The following SPSB1 variants were observed in gnomAD, a reference collection of about 807,000 sequenced individuals.
SPSB1 encodes SPRY domain-containing SOCS box protein 1.
In SPSB1, 8 loss-of-function variants were observed where a neutral mutation model predicts 21.2. That is an observed-to-expected ratio of 0.38 (90% CI 0.22 to 0.68). The LOEUF is 0.68. Ranked by LOEUF, SPSB1 falls within the 30% of genes least tolerant of loss-of-function variation. The pLI is 0.53. For synonymous variants in SPSB1, 169 were observed against 161.7 expected (o/e 1.05, Z -0.34); for missense variants, 242 against 377.8 (o/e 0.64, Z 2.98).
Position 9,307,361 on chromosome 1 carries a change from C to T in SPSB1, c.-150+14290C>T, listed in dbSNP as rs80134066. Among the ~76,000 whole-genome samples the T allele has an allele frequency of 9.1e-4, 139 of 152,332 alleles. 1 individual carries two copies. The highest frequency in any genetic ancestry group is 3.2e-3 in the African/African-American group (132 of 41,576). On this transcript the variant is annotated intron_variant, in intron 1 of 2. Coordinates refer to ENST00000328089, the MANE Select transcript of SPSB1 (RefSeq NM_025106.4). ...GTCTAGTTCCAAACCATCTTCATCC[C>T]GCCGGAAGGAAACCCCATCCACATT... is the stretch of plus-strand genomic sequence containing the variant.
intron 1 of SPSB1, among the ~76,000 whole-genome samples, chr1:9,318,195 C>CCCGGA (rs1486021529): frequency 6.6e-6 from 1 of 152,202 alleles, no homozygotes. Flanking sequence ...GGTGTGGGCA[C>CCCGGA]CCGGAGGCCC....
At chr1:9,325,540 G>A (rs1164225488) in intron 1 of SPSB1, among the ~76,000 whole-genome samples, 5 of 151,976 alleles carry the variant, frequency 3.3e-5, no homozygotes, top group Non-Finnish European at 7.3e-5. Flanking sequence ...GAGCATGGTG[G>A]TGTGAGCAGG....
chr1:9,295,551 C>T (rs1286522233), intron 1 of SPSB1, among the ~76,000 whole-genome samples: 1 of 152,114 alleles, frequency 6.6e-6, no homozygotes, highest in East Asian at 1.9e-4. Context: ...CTGGATCCAC[C>T]CTTCAGTGGG....
intron 1 of SPSB1, among the ~76,000 whole-genome samples, chr1:9,329,242 G>A (rs2100490775): frequency 6.6e-6 from 1 of 152,278 alleles, no homozygotes. Context: ...TGTGGGTGGG[G>A]GGAAATGCAG....
intron 1 of SPSB1, among the ~76,000 whole-genome samples, chr1:9,329,331 A>T (rs1639875941): frequency 6.6e-6 from 1 of 151,978 alleles, no homozygotes; most frequent in South Asian, 2.1e-4. Context: ...GACGTGTGTG[A>T]GTGTCTCAGT....
chr1:9,366,425 C>T (rs1001350486), intron 2 of SPSB1, among the ~76,000 whole-genome samples: 8 of 152,222 alleles, frequency 5.3e-5, no homozygotes, highest in African/African-American at 9.6e-5. Context: ...AGGCCTGTCA[C>T]GTATGATTCA....
intron 1 of SPSB1, among the ~76,000 whole-genome samples, chr1:9,304,884 G>A (rs1317764294): frequency 6.6e-6 from 1 of 152,084 alleles, no homozygotes; most frequent in East Asian, 1.9e-4. Context: ...TGTTGCCCAG[G>A]CTGGTCTCGA....
At chr1:9,296,839 G>A (rs1226704795) in intron 1 of SPSB1, among the ~76,000 whole-genome samples, 1 of 152,244 alleles carries the variant, frequency 6.6e-6, no homozygotes, top group African/African-American at 2.4e-5. Context: ...AAACCCAACA[G>A]CACATTGGGG....
intron 1 of SPSB1, among the ~76,000 whole-genome samples, chr1:9,306,921 T>G (rs1249389998): frequency 6.1e-5 from 3 of 49,550 alleles, no homozygotes; most frequent in Non-Finnish European, 1.1e-4. Flanking sequence ...TTACTTTTCT[T>G]CTTTTCTTCT....
intron 1 of SPSB1, among the ~76,000 whole-genome samples, chr1:9,303,835 A>G (rs931464288): frequency 6.6e-6 from 1 of 152,204 alleles, no homozygotes; most frequent in Admixed American, 6.5e-5. Context: ...TCAGATGTCA[A>G]CTTGACTAGA....
rs1371201916 is a variant in SPSB1, at chr1:9,324,645, G to C, written c.-149-31098G>C. On this transcript the variant is annotated intron_variant, in intron 1 of 2. Coordinates refer to ENST00000328089, the MANE Select transcript of SPSB1 (RefSeq NM_025106.4). The surrounding 1 kb of genome is among the most constrained non-coding windows in gnomAD (Gnocchi z 4.3). ...GGCTGAAACTGCCAGTGGCCAGCCT[G>C]TCTTGTTCCTATAAAGGGCACTTTG... is the stretch of plus-strand genomic sequence containing the variant. Among the ~76,000 whole-genome samples the C allele has an allele frequency of 6.6e-6, 1 of 152,192 alleles. No individual in the cohort carries two copies. The highest frequency in any genetic ancestry group is 1.9e-4 in the East Asian group (1 of 5,196).
chr1:9,318,000 C>T lies in SPSB1; in HGVS notation c.-150+24929C>T, dbSNP rs1226694343. The stretch of plus-strand genomic sequence containing the variant: ...AACCAGAGGAAGCTGGGTGGACAGT[C>T]GCAGGTTTGGTGACGTGCCAGGTGG... On this transcript the variant is annotated intron_variant, in intron 1 of 2. Coordinates refer to ENST00000328089, the MANE Select transcript of SPSB1 (RefSeq NM_025106.4). This position sits in a 1 kb window ranked among gnomAD's most constrained non-coding sequence, Gnocchi z 4.3. Among the ~76,000 whole-genome samples, 5 of 152,194 alleles carry T rather than the reference C, an allele frequency of 3.3e-5. No homozygotes were observed. In the South Asian group the frequency reaches 1.0e-3, roughly 31 times the overall value.
At chr1:9,296,186 G>A (rs190684894) in intron 1 of SPSB1, among the ~76,000 whole-genome samples, 98 of 152,314 alleles carry the variant, frequency 6.4e-4, no homozygotes, top group African/African-American at 2.4e-3. Flanking sequence ...GTTTCACGGT[G>A]CGTGCGAGTA....
At chr1:9,318,901 G>A (rs1324934979) in intron 1 of SPSB1, among the ~76,000 whole-genome samples, 12 of 152,316 alleles carry the variant, frequency 7.9e-5, no homozygotes, top group Admixed American at 2.6e-4. Flanking sequence ...TCCTAAAGAC[G>A]TGGTAGGGCC....
chr1:9,364,830 T>TTTG (rs34080098), intron 2 of SPSB1, among the ~76,000 whole-genome samples: 33,471 of 151,536 alleles, frequency 0.22, 3,822 homozygotes, highest in East Asian at 0.28. Flanking sequence ...TTGTTGTTGT[T>TTTG]TTGTTGTTGT....
chr1:9,343,782 G>T (rs1458625183), intron 1 of SPSB1, among the ~76,000 whole-genome samples: 1 of 149,012 alleles, frequency 6.7e-6, no homozygotes, highest in Admixed American at 6.6e-5. Context: ...CCATTAGCAG[G>T]TTTTTTGTTT....
intron 1 of SPSB1, among the ~76,000 whole-genome samples, chr1:9,342,862 G>C (rs534460156): frequency 6.6e-6 from 1 of 152,220 alleles, no homozygotes; most frequent in Admixed American, 6.5e-5. Context: ...TTCTGCTCTC[G>C]AAGGCTCTTC....
chr1:9,336,811 A>G (rs912884848), intron 1 of SPSB1, among the ~76,000 whole-genome samples: 1 of 152,186 alleles, frequency 6.6e-6, no homozygotes, highest in Admixed American at 6.5e-5. Context: ...CCCTGGAAAG[A>G]GGGGGACACT....
chr1:9,363,457 CAG>C lies in SPSB1; in HGVS notation c.695-3990_695-3989del, dbSNP rs1476897836. Among the ~76,000 whole-genome samples the C allele has an allele frequency of 1.3e-5, 2 of 152,164 alleles. No homozygotes were observed. The highest frequency in any genetic ancestry group is 2.9e-5 in the Non-Finnish European group (2 of 68,034). ...CCTCTACCCCACACAGCTGCGTTCA[CAG>C]GGGATGGATTGTGGCAGCTGGAGGG... is the stretch of plus-strand genomic sequence containing the variant. On this transcript the variant is annotated intron_variant, in intron 2 of 2. Transcript: ENST00000328089. The surrounding 1 kb of genome is among the most constrained non-coding windows in gnomAD (Gnocchi z 4.5).
Sources: allele counts gnomAD v4.1 joint callset (sites outside exome capture counted in the v4.1 genomes callset), GRCh38; gene constraint gnomAD v4.1.1; non-coding constraint Gnocchi (gnomAD v3.1); transcripts MANE v1.5; gene names NCBI Gene and HGNC (gene_info 2026-07-23, HGNC 2026-07-21).